KCNIP4: variants seen among roughly 807,000 people sequenced by gnomAD.
KCNIP4 encodes the protein Kv channel-interacting protein 4.
KCNIP4 carries 12 observed loss-of-function variants against 34.0 expected under a neutral mutation model. That is an observed-to-expected ratio of 0.35 (90% CI 0.23 to 0.57). The LOEUF is 0.57. Among genes scored for constraint, KCNIP4 ranks in the 20% least tolerant of loss-of-function variants. The probability of loss-of-function intolerance (pLI) is 0.83; values close to 1 mark genes in which losing one functional copy is unlikely to be tolerated. For missense variants in KCNIP4, 238 were observed against 311.7 expected, an observed-to-expected ratio of 0.76 and a Z score of 1.78; for synonymous variants, 124 against 102.2, an observed-to-expected ratio of 1.21 and a Z score of -1.29.
At chr4:21,459,353 T>G (rs1262450573) in intron 1 of KCNIP4, among the ~76,000 whole-genome samples, 4 of 152,084 alleles carry the variant, frequency 2.6e-5, no homozygotes, top group Non-Finnish European at 5.9e-5. Context: ...TTAAACTGTA[T>G]TAGTTTTCCT....
At chr4:21,377,220 A>T (rs1363060079) in intron 1 of KCNIP4, among the ~76,000 whole-genome samples, 1 of 152,190 alleles carries the variant, frequency 6.6e-6, no homozygotes, top group Non-Finnish European at 1.5e-5. Flanking sequence ...GGAGAAGCAA[A>T]GTGCTATGAA....
intron 1 of KCNIP4, among the ~76,000 whole-genome samples, chr4:21,006,830 CG>C (rs1015528610): frequency 2.0e-5 from 3 of 152,024 alleles, no homozygotes; most frequent in African/African-American, 7.2e-5. Context: ...ATTGTCATGG[CG>C]GACCTAACTT....
chr4:20,885,763 C>T (rs1234337049), intron 1 of KCNIP4, among the ~76,000 whole-genome samples: 1 of 152,146 alleles, frequency 6.6e-6, no homozygotes, highest in African/African-American at 2.4e-5. Context: ...ACAGTGACAG[C>T]CACATAATGC....
chr4:21,268,825 G>T (rs1545914), intron 1 of KCNIP4, among the ~76,000 whole-genome samples: 39,023 of 152,166 alleles, frequency 0.26, 5,187 homozygotes, highest in South Asian at 0.35. Context: ...CAACGGTCAA[G>T]AAAACTTCCT....
At chr4:21,722,053 A>T (rs1714856676) in intron 1 of KCNIP4, among the ~76,000 whole-genome samples, 1 of 152,288 alleles carries the variant, frequency 6.6e-6, no homozygotes, top group Admixed American at 6.6e-5. Context: ...TTGCACTAAA[A>T]ACTTAGACTC....
chr4:21,696,885 T>C (rs976697195), intron 1 of KCNIP4, among the ~76,000 whole-genome samples: 1 of 152,132 alleles, frequency 6.6e-6, no homozygotes, highest in Non-Finnish European at 1.5e-5. Context: ...AGAAATATCC[T>C]TAACTCTTTC....
chr4:21,726,269 A>G (rs1410845469), intron 1 of KCNIP4, among the ~76,000 whole-genome samples: 2 of 152,158 alleles, frequency 1.3e-5, no homozygotes, highest in African/African-American at 2.4e-5. Flanking sequence ...GGGGCAAGCA[A>G]TGAAGCAGTT....
At chr4:21,223,231 G>A (rs757524105) in intron 1 of KCNIP4, among the ~76,000 whole-genome samples, 1 of 152,160 alleles carries the variant, frequency 6.6e-6, no homozygotes, top group South Asian at 2.1e-4. Context: ...GCAAGATACT[G>A]GAAGGGGCCA....
intron 1 of KCNIP4, among the ~76,000 whole-genome samples, chr4:21,632,007 C>T (rs1745797713): frequency 6.6e-6 from 1 of 152,200 alleles, no homozygotes; most frequent in Non-Finnish European, 1.5e-5. Flanking sequence ...AGGCTTTCTA[C>T]ATCTTTGTGC....
At chr4:21,285,943 T>C (rs1202128193) in intron 1 of KCNIP4, among the ~76,000 whole-genome samples, 1 of 152,198 alleles carries the variant, frequency 6.6e-6, no homozygotes, top group Non-Finnish European at 1.5e-5. Context: ...AAAGATAGCA[T>C]GACTTATTGC....
chr4:21,571,725 A>G (rs2109053484), intron 1 of KCNIP4, among the ~76,000 whole-genome samples: 1 of 152,296 alleles, frequency 6.6e-6, no homozygotes, highest in Middle Eastern at 3.4e-3. Context: ...AGGGGTCATG[A>G]GATGTGACAG....
intron 1 of KCNIP4, among the ~76,000 whole-genome samples, chr4:21,366,877 T>G (rs994823936): frequency 6.6e-6 from 1 of 152,112 alleles, no homozygotes; most frequent in South Asian, 2.1e-4. Context: ...GTTGTCATGG[T>G]CTAAATGTAT....
Position 21,918,921 on chromosome 4 carries a change from G to A in KCNIP4, c.61+29650C>T, listed in dbSNP as rs1728791423. 4.6e-5 allele frequency among the ~76,000 whole-genome samples: 7 copies of A among 152,226 alleles called. No homozygotes were observed. In the South Asian group the frequency reaches 1.2e-3, roughly 27 times the overall value. Reference sequence around the variant, plus strand: ...TGGAACTCCATTTCTGGGGACCTGCGCTGTTATATCTGGGTAGACCTGTGA... The same window carrying A: ...TGGAACTCCATTTCTGGGGACCTGCACTGTTATATCTGGGTAGACCTGTGA... On this transcript the variant is annotated intron_variant, in intron 1 of 8. Coordinates refer to ENST00000382152, the MANE Select transcript of KCNIP4 (RefSeq NM_025221.6).
In KCNIP4 at chr4:21,234,354, A is replaced by G. The variant is rs1484132770; in HGVS notation, c.62-351645T>C. On this transcript the variant is annotated intron_variant, in intron 1 of 8. Coordinates refer to ENST00000382152, the MANE Select transcript of KCNIP4 (RefSeq NM_025221.6). The stretch of plus-strand genomic sequence containing the variant: ...AAATTATATATAACATACATTATAT[A>G]TAACATATATAATATATAACATACA... 7.6e-5 allele frequency among the ~76,000 whole-genome samples: 8 copies of G among 105,500 alleles called. 1 individual carries two copies. Among genetic ancestry groups the G allele is most frequent in the African/African-American group, 2.8e-4 (8 of 28,876 alleles). The allele number at this position is 105,500 out of a possible 152,430, so 69.2% of individuals were successfully genotyped here. A position where few individuals can be genotyped will look rare whatever the true frequency, so the allele number is the denominator to read the frequency against.
chr4:21,250,152 G>C (rs1760591788), intron 1 of KCNIP4, among the ~76,000 whole-genome samples: 1 of 145,384 alleles, frequency 6.9e-6, no homozygotes, highest in South Asian at 2.1e-4. Flanking sequence ...AAAGTTCTCT[G>C]CAAAACCACA....
At chr4:20,987,669 T>A (rs1736696953) in intron 1 of KCNIP4, among the ~76,000 whole-genome samples, 1 of 152,122 alleles carries the variant, frequency 6.6e-6, no homozygotes, top group African/African-American at 2.4e-5. Flanking sequence ...CCAACATTTA[T>A]GGAGAACTTT....
intron 1 of KCNIP4, among the ~76,000 whole-genome samples, chr4:21,319,262 T>C (rs962898594): frequency 1.3e-5 from 2 of 152,210 alleles, no homozygotes; most frequent in African/African-American, 4.8e-5. Flanking sequence ...TTGGTTGCAA[T>C]TGACAGGTAC....
At chr4:21,668,234 T>G (rs60745132) in intron 1 of KCNIP4, among the ~76,000 whole-genome samples, 1 of 151,708 alleles carries the variant, frequency 6.6e-6, no homozygotes, top group Non-Finnish European at 1.5e-5. Context: ...TATTGGGCAG[T>G]TGGGGGTGAG....
rs1332483610 is a variant in KCNIP4, at chr4:20,835,690, C to T, written c.288+14853G>A. On this transcript the variant is annotated intron_variant, in intron 3 of 8. Coordinates refer to ENST00000382152, the MANE Select transcript of KCNIP4 (RefSeq NM_025221.6). ...TCTTAGCTCTATAAAATTATGTATCCAACCACTAGAATTTATCAAACTTTA... is the reference window on the plus strand; with the variant it reads ...TCTTAGCTCTATAAAATTATGTATCTAACCACTAGAATTTATCAAACTTTA... 1.3e-4 allele frequency among the ~76,000 whole-genome samples: 20 copies of T among 151,912 alleles called. 1 individual carries two copies. The highest frequency in any genetic ancestry group is 1.2e-3 in the Admixed American group (19 of 15,232).
Sources: gnomAD v4.1 joint callset for allele counts (sites outside exome capture counted in the v4.1 genomes callset) on GRCh38, gnomAD v4.1.1 for gene constraint, MANE v1.5 for transcripts, NCBI Gene and HGNC (gene_info 2026-07-23, HGNC 2026-07-21) for gene names.